The following CDH8 variants were observed in gnomAD, a reference collection of about 807,000 sequenced individuals.
The protein encoded by CDH8 is cadherin 8, also known as cadherin-8.
A neutral mutation model predicts 68.1 loss-of-function variants in CDH8; 17 were observed. The observed-to-expected ratio is 0.25, with a 90% CI of 0.17 to 0.37. The LOEUF (loss-of-function observed/expected upper bound fraction) is 0.37. CDH8 is among the 10% of genes least tolerant of loss of function. The probability of loss-of-function intolerance (pLI) is 1.00; values close to 1 mark genes in which losing one functional copy is unlikely to be tolerated. For missense variants in CDH8, 763 were observed against 999.3 expected, an observed-to-expected ratio of 0.76 and a Z score of 3.19; for synonymous variants, 372 against 365.1, an observed-to-expected ratio of 1.02 and a Z score of -0.21.
At chr16:62,001,744 A>G (rs1965897874) in intron 2 of CDH8, among the ~76,000 whole-genome samples, 3 of 152,138 alleles carry the variant, frequency 2.0e-5, no homozygotes, top group Admixed American at 6.5e-5. Context: ...GTATGTATAC[A>G]TGTGCCATGT....
chr16:61,949,987 T>TAA (rs111704119), intron 2 of CDH8, among the ~76,000 whole-genome samples: 47,830 of 143,604 alleles, frequency 0.33, 8,150 homozygotes, highest in African/African-American at 0.43. Flanking sequence ...GACCCTGTCT[T>TAA]AAAAAAAAAA....
intron 10 of CDH8, among the ~76,000 whole-genome samples, chr16:61,686,308 C>G (rs1248424037): frequency 6.6e-6 from 1 of 151,896 alleles, no homozygotes; most frequent in African/African-American, 2.4e-5. Context: ...ATTGATTTTT[C>G]AAATTTCGTA....
At chr16:61,673,770 C>G (rs1963841686) in intron 10 of CDH8, among the ~76,000 whole-genome samples, 2 of 151,944 alleles carry the variant, frequency 1.3e-5, no homozygotes, top group Non-Finnish European at 2.9e-5. Flanking sequence ...AAGTAAAGCC[C>G]AAACAGAGGA....
chr16:61,747,290 G>C (rs1052764005), intron 8 of CDH8, among the ~76,000 whole-genome samples: 1 of 152,042 alleles, frequency 6.6e-6, no homozygotes, highest in Non-Finnish European at 1.5e-5. Context: ...GTTGGTTTTC[G>C]ATGTACTTGC....
chr16:61,796,228 T>C (rs1328024495), intron 7 of CDH8, among the ~76,000 whole-genome samples: 1 of 152,062 alleles, frequency 6.6e-6, no homozygotes, highest in African/African-American at 2.4e-5. Context: ...ACTTTTCACA[T>C]TGAAAAGGCT....
intron 7 of CDH8, among the ~76,000 whole-genome samples, chr16:61,807,866 T>G (rs1307153355): frequency 6.6e-6 from 1 of 152,238 alleles, no homozygotes; most frequent in Non-Finnish European, 1.5e-5. Context: ...TGTCTGTCCA[T>G]CATGCTCTTG....
chr16:61,793,250 T>C (rs1430873698), intron 7 of CDH8, among the ~76,000 whole-genome samples: 3 of 152,148 alleles, frequency 2.0e-5, no homozygotes, highest in Non-Finnish European at 4.4e-5. Flanking sequence ...CATTTCTTTT[T>C]TTTTTAACTT....
At chr16:61,935,470 T>C (rs1458988202) in intron 2 of CDH8, among the ~76,000 whole-genome samples, 2 of 152,178 alleles carry the variant, frequency 1.3e-5, no homozygotes, top group Non-Finnish European at 1.5e-5. Flanking sequence ...ACTTTAATAA[T>C]ATAGTATTGA....
intron 3 of CDH8, among the ~76,000 whole-genome samples, chr16:61,891,403 T>C (rs1277483523): frequency 6.6e-6 from 1 of 152,128 alleles, no homozygotes; most frequent in Non-Finnish European, 1.5e-5. Flanking sequence ...AATAACTCAA[T>C]GCCTCTTGGA....
At chr16:62,026,947 C>T (rs1423008947) in intron 1 of CDH8, among the ~76,000 whole-genome samples, 3 of 152,180 alleles carry the variant, frequency 2.0e-5, no homozygotes, top group African/African-American at 4.8e-5. Context: ...CGAATAGTAG[C>T]TGCATACACA....
chr16:61,719,025 A>C (rs188063106), intron 9 of CDH8, among the ~76,000 whole-genome samples: 10 of 151,392 alleles, frequency 6.6e-5, no homozygotes, highest in Admixed American at 4.0e-4. Context: ...GTTCATATCT[A>C]ATCAAAATAT....
intron 10 of CDH8, among the ~76,000 whole-genome samples, chr16:61,682,063 G>C (rs1053975656): frequency 1.3e-5 from 2 of 151,842 alleles, no homozygotes; most frequent in African/African-American, 4.8e-5. Context: ...TCAATAAGTA[G>C]ATCCTGCTGT....
intron 8 of CDH8, among the ~76,000 whole-genome samples, chr16:61,750,053 T>TC (rs1432754011): frequency 1.3e-5 from 2 of 152,160 alleles, no homozygotes; most frequent in African/African-American, 4.8e-5. Flanking sequence ...CAACCCTTTG[T>TC]CCCCCTGTCT....
At chr16:61,867,352 C>T (rs560756426) in intron 3 of CDH8, among the ~76,000 whole-genome samples, 2 of 152,174 alleles carry the variant, frequency 1.3e-5, no homozygotes, top group Admixed American at 6.5e-5. Context: ...TTAGAAGATT[C>T]TTGCTTTCTA....
chr16:62,021,018 G>C (rs933063027), intron 2 of CDH8, 134 bp downstream of exon 2: 3 of 764,798 alleles, frequency 3.9e-6, no homozygotes, highest in Middle Eastern at 2.4e-4. Flanking sequence ...CTAACAGAAC[G>C]ACAGGTAAAC....
intron 3 of CDH8, among the ~76,000 whole-genome samples, chr16:61,866,611 T>C (rs1457156249): frequency 6.6e-6 from 1 of 152,080 alleles, no homozygotes. Flanking sequence ...ATAATTATAA[T>C]ATCAGATGTT....
intron 2 of CDH8, among the ~76,000 whole-genome samples, chr16:61,921,678 AGCAAAAGAGCCATTACAAGT>A (rs1964370412): frequency 6.6e-6 from 1 of 152,330 alleles, no homozygotes; most frequent in East Asian, 1.9e-4. Context: ...ATTATTAATC[AGCAAAAGAGCCATTACAAGT>A]GCAAAAGAGC....
At chr16:61,747,184 G>C (rs763017369) in intron 8 of CDH8, among the ~76,000 whole-genome samples, 1 of 152,078 alleles carries the variant, frequency 6.6e-6, no homozygotes, top group Non-Finnish European at 1.5e-5. Flanking sequence ...AAGGTAACTA[G>C]AGATAGAATA....
At chr16:61,972,174 T>C (rs1370261941) in intron 2 of CDH8, among the ~76,000 whole-genome samples, 2 of 152,158 alleles carry the variant, frequency 1.3e-5, no homozygotes, top group East Asian at 1.9e-4. Context: ...CTGCACAAGC[T>C]CTCTTGCCTG....
Sources: allele counts gnomAD v4.1 joint callset (sites outside exome capture counted in the v4.1 genomes callset), GRCh38; gene constraint gnomAD v4.1.1; transcripts MANE v1.5; gene names NCBI Gene and HGNC (gene_info 2026-07-23, HGNC 2026-07-21).